Variants in UGP2 observed in about 807,000 individuals in gnomAD.
UGP2 encodes the protein UDP-glucose pyrophosphorylase 2.
In UGP2, 40 loss-of-function variants were observed where a neutral mutation model predicts 49.0. The ratio of observed to expected loss-of-function variants is 0.82; its 90% CI spans 0.63 to 1.06. The LOEUF (loss-of-function observed/expected upper bound fraction) is 1.06. Ranked by LOEUF, UGP2 falls within the 50% of genes least tolerant of loss-of-function variation. The probability of loss-of-function intolerance (pLI) is 0.00; values close to 1 mark genes in which losing one functional copy is unlikely to be tolerated. For missense variants in UGP2, 460 were observed against 603.5 expected, an observed-to-expected ratio of 0.76 and a Z score of 2.49; for synonymous variants, 225 against 213.0, an observed-to-expected ratio of 1.06 and a Z score of -0.49.
chr2:63,870,766 G>A (rs1260450297), intron 3 of UGP2, among the ~76,000 whole-genome samples: 1 of 152,218 alleles, frequency 6.6e-6, no homozygotes, highest in African/African-American at 2.4e-5. Flanking sequence ...ATGGTGGGGA[G>A]TATCAGGTGG....
chr2:63,860,372 T>TAAC (rs966530546), intron 3 of UGP2, among the ~76,000 whole-genome samples: 1 of 152,234 alleles, frequency 6.6e-6, no homozygotes, highest in African/African-American at 2.4e-5. Context: ...GTATTGTCTA[T>TAAC]AACTGCTTTT....
At chr2:63,877,563 T>C (rs186541240) in intron 3 of UGP2, among the ~76,000 whole-genome samples, 1 of 152,350 alleles carries the variant, frequency 6.6e-6, no homozygotes, top group East Asian at 1.9e-4. Flanking sequence ...ACATTTTGGA[T>C]CTAGAAATTT....
intron 3 of UGP2, among the ~76,000 whole-genome samples, chr2:63,863,914 T>C (rs1253136367): frequency 6.6e-5 from 10 of 152,232 alleles, no homozygotes; most frequent in African/African-American, 2.4e-4. Context: ...TTTCTATTTA[T>C]AGATGGGCTT....
intron 3 of UGP2, among the ~76,000 whole-genome samples, chr2:63,867,772 A>G (rs1670278026): frequency 6.6e-6 from 1 of 152,254 alleles, no homozygotes; most frequent in Non-Finnish European, 1.5e-5. Context: ...TATCCTATCA[A>G]GTAGAAGAAC....
At chr2:63,847,232 G>A (rs899428758) in intron 1 of UGP2, among the ~76,000 whole-genome samples, 3 of 152,106 alleles carry the variant, frequency 2.0e-5, no homozygotes, top group African/African-American at 7.2e-5. Flanking sequence ...GGAAATTCAG[G>A]TGTTATTTTA....
chr2:63,873,281 A>G (rs765811029), intron 3 of UGP2, among the ~76,000 whole-genome samples: 29 of 152,228 alleles, frequency 1.9e-4, no homozygotes, highest in Non-Finnish European at 3.5e-4. Context: ...CTCAAACCAC[A>G]TCACAGCATC....
chr2:63,841,883 T>A (rs762998256), upstream of UGP2: 42 of 340,078 alleles, frequency 1.2e-4, no homozygotes, highest in Non-Finnish European at 1.9e-4. Flanking sequence ...GTTCGTGTGG[T>A]TTTACCTTTT....
At chr2:63,877,910 G>A (rs559172977) in intron 3 of UGP2, among the ~76,000 whole-genome samples, 121 of 149,464 alleles carry the variant, frequency 8.1e-4, no homozygotes, top group African/African-American at 2.6e-3. Context: ...GGAGAATGGC[G>A]TGAACCCGGG....
chr2:63,860,843 A>G (rs1669789356), intron 3 of UGP2, among the ~76,000 whole-genome samples: 1 of 141,338 alleles, frequency 7.1e-6, no homozygotes, highest in South Asian at 2.2e-4. Flanking sequence ...GCCTCAAGTG[A>G]TCCTCCTGCC....
chr2:63,868,638 G>A (rs1670335141), intron 3 of UGP2, among the ~76,000 whole-genome samples: 1 of 152,084 alleles, frequency 6.6e-6, no homozygotes, highest in Non-Finnish European at 1.5e-5. Context: ...CTTTTTAAAG[G>A]TTTTGTTTTG....
chr2:63,884,927 A>C (rs1349339573), intron 5 of UGP2, among the ~76,000 whole-genome samples: 1 of 145,778 alleles, frequency 6.9e-6, no homozygotes, highest in African/African-American at 2.7e-5. Flanking sequence ...AATAAAAAAG[A>C]AGGACATTTC....
chr2:63,848,268 G>A (rs1668804408), intron 1 of UGP2, among the ~76,000 whole-genome samples: 1 of 152,206 alleles, frequency 6.6e-6, no homozygotes, highest in Non-Finnish European at 1.5e-5. Flanking sequence ...TGAACTTGGA[G>A]TAATAGTGTT....
At chr2:63,860,664 A>G (rs1669773060) in intron 3 of UGP2, among the ~76,000 whole-genome samples, 1 of 151,840 alleles carries the variant, frequency 6.6e-6, no homozygotes, top group Admixed American at 6.6e-5. Flanking sequence ...GCACAGTCAT[A>G]GCTCACTACA....
In UGP2 at chr2:63,890,095, A is replaced by C. The variant is rs746681129; in HGVS notation, c.1329A>C (p.Leu443=). ...GSSFTKVQDY[L]RRFESIPDML... The stretch of plus-strand genomic sequence containing the variant: ...TTTTCTGTAAGGTTCAAGATTATCT[A>C]AGAAGATTTGAAAGTATACCAGATA... The change falls in exon 9 of 10, where the codon CTA becomes CTC. Residue 443 remains leucine, a synonymous_variant. Transcript: ENST00000337130. 6.2e-7 allele frequency: 1 copy of C among 1,609,386 alleles called. No homozygotes were observed. Among genetic ancestry groups the C allele is most frequent in the Non-Finnish European group, 8.5e-7 (1 of 1,178,256 alleles).
intron 3 of UGP2, among the ~76,000 whole-genome samples, chr2:63,873,895 G>A (rs1670735223): frequency 6.6e-6 from 1 of 152,136 alleles, no homozygotes; most frequent in Non-Finnish European, 1.5e-5. Context: ...AGAAACTTGG[G>A]CTTCTCTGTC....
chr2:63,869,361 A>G (rs1439234309), intron 3 of UGP2, among the ~76,000 whole-genome samples: 1 of 152,330 alleles, frequency 6.6e-6, no homozygotes, highest in East Asian at 1.9e-4. Context: ...TTGAGATGAA[A>G]AATATTTTTA....
At chr2:63,880,782 C>T (rs868382893) in intron 3 of UGP2, among the ~76,000 whole-genome samples, 2 of 152,116 alleles carry the variant, frequency 1.3e-5, no homozygotes, top group African/African-American at 4.8e-5. Context: ...GCAGGGGAAG[C>T]GATCAGTGTG....
chr2:63,854,959 C>A (rs1192795288), intron 1 of UGP2: 4 of 152,400 alleles, frequency 2.6e-5, no homozygotes, highest in African/African-American at 9.7e-5. Context: ...GCCAGCCTTT[C>A]TTAGCTTGGG....
intron 3 of UGP2, among the ~76,000 whole-genome samples, chr2:63,877,906 T>C: frequency 7.1e-6 from 1 of 140,142 alleles, no homozygotes; most frequent in Admixed American, 8.0e-5. Context: ...GGCAGGAGAA[T>C]GGCGTGAACC....
Sources: gnomAD v4.1 joint callset for allele counts (sites outside exome capture counted in the v4.1 genomes callset) on GRCh38, gnomAD v4.1.1 for gene constraint, MANE v1.5 for transcripts, NCBI Gene and HGNC (gene_info 2026-07-23, HGNC 2026-07-21) for gene names.